The following SERTAD2 variants were observed in gnomAD, a reference collection of about 807,000 sequenced individuals.
The protein encoded by SERTAD2 is SERTA domain-containing protein 2.
Under a neutral mutation model 15.4 loss-of-function variants are expected in SERTAD2, and 2 were observed. The observed-to-expected ratio is 0.13, with a 90% CI of 0.05 to 0.41. The LOEUF (loss-of-function observed/expected upper bound fraction) is 0.41, where lower values mean the gene tolerates loss of function less well. SERTAD2 is among the 10% of genes least tolerant of loss of function. SERTAD2 has a pLI of 0.99. For missense variants in SERTAD2, 333 were observed against 409.7 expected (o/e 0.81, Z 1.62); for synonymous variants, 180 against 178.0 (o/e 1.01, Z -0.09).
In SERTAD2 at chr2:64,631,702, TG is replaced by T. The variant is rs775153215; in HGVS notation, c.*4224del. The T allele has an allele frequency of 1.3e-5, 2 of 152,648 alleles. No homozygotes were observed. The highest frequency in any genetic ancestry group is 4.8e-5 in the African/African-American group (2 of 41,456). 9.5% of individuals were successfully genotyped at this position (152,648 alleles called of 1,614,324 possible). A position where few individuals can be genotyped will look rare whatever the true frequency, so the allele number is the denominator to read the frequency against. Reference sequence around the variant, plus strand: ...TCCATGTACATTTAATCTGTCCAATTGTTTAGATTACAGCCCAAACCTACAT... The same window carrying T: ...TCCATGTACATTTAATCTGTCCAATTTTTAGATTACAGCCCAAACCTACAT... On this transcript the variant is annotated 3_prime_UTR_variant, in exon 2 of 2. Transcript: ENST00000313349.
At chr2:64,649,090 G>A (rs1218868499) in intron 1 of SERTAD2, among the ~76,000 whole-genome samples, 1 of 152,222 alleles carries the variant, frequency 6.6e-6, no homozygotes, top group African/African-American at 2.4e-5. Context: ...AACCACACAG[G>A]GAAGATCAGT....
chr2:64,637,427 A>T (rs188849380), intron 1 of SERTAD2, among the ~76,000 whole-genome samples: 21 of 152,340 alleles, frequency 1.4e-4, no homozygotes, highest in Admixed American at 7.2e-4. Context: ...TTCCTTCCTC[A>T]TTAAGCACGG....
At chr2:64,647,746 A>G (rs1239883115) in intron 1 of SERTAD2, among the ~76,000 whole-genome samples, 1 of 152,118 alleles carries the variant, frequency 6.6e-6, no homozygotes, top group Non-Finnish European at 1.5e-5. Context: ...TTTTAGAACA[A>G]TTCTGTGAAA....
rs1429510618 is a variant in SERTAD2 at position 64,633,073 on chromosome 2, C to T, written c.*2854G>A. The stretch of plus-strand genomic sequence containing the variant: ...TAAAGGGAAGGCACTGCTGGAAGCA[C>T]ATCCCACACTCAAACTGGGACTTGG... On this transcript the variant is annotated 3_prime_UTR_variant, in exon 2 of 2. Transcript: ENST00000313349. The T allele has an allele frequency of 1.3e-5, 2 of 152,528 alleles. No homozygotes were observed. Among genetic ancestry groups the T allele is most frequent in the East Asian group, 1.9e-4 (1 of 5,202 alleles). 9.4% of individuals were successfully genotyped at this position (152,528 alleles called of 1,614,324 possible).
intron 1 of SERTAD2, among the ~76,000 whole-genome samples, chr2:64,652,857 C>T (rs1573094231): frequency 7.3e-6 from 1 of 137,056 alleles, no homozygotes; most frequent in African/African-American, 2.7e-5. Context: ...TAACTTATAG[C>T]CAAGAAAACA....
intron 1 of SERTAD2, among the ~76,000 whole-genome samples, chr2:64,650,336 G>A (rs1227631911): frequency 6.6e-6 from 1 of 151,244 alleles, no homozygotes; most frequent in Non-Finnish European, 1.5e-5. Flanking sequence ...AGCCAATCAT[G>A]TTTTGTTTGT....
intron 1 of SERTAD2, among the ~76,000 whole-genome samples, chr2:64,651,435 T>A (rs556356343): frequency 1.6e-4 from 24 of 152,362 alleles, no homozygotes; most frequent in African/African-American, 5.0e-4. Context: ...GTGATGCATG[T>A]GTGTGCCTTT....
chr2:64,650,773 G>A (rs2104353992), intron 1 of SERTAD2, among the ~76,000 whole-genome samples: 1 of 152,070 alleles, frequency 6.6e-6, no homozygotes, highest in African/African-American at 2.4e-5. Context: ...TGCATATAAA[G>A]TGGCCATGGC....
At chr2:64,652,004 G>C (rs922806342) in intron 1 of SERTAD2, among the ~76,000 whole-genome samples, 1 of 151,418 alleles carries the variant, frequency 6.6e-6, no homozygotes, top group Non-Finnish European at 1.5e-5. Context: ...AAAAAAAACT[G>C]TTAAAGGATT....
At chr2:64,637,611 C>A (rs1287180930) in intron 1 of SERTAD2, among the ~76,000 whole-genome samples, 8 of 152,206 alleles carry the variant, frequency 5.3e-5, no homozygotes, top group Admixed American at 1.3e-4. Context: ...TTGAAGACAA[C>A]TGGATTAATT....
At chr2:64,650,746 A>G (rs982871048) in intron 1 of SERTAD2, among the ~76,000 whole-genome samples, 1 of 152,050 alleles carries the variant, frequency 6.6e-6, no homozygotes, top group Non-Finnish European at 1.5e-5. Flanking sequence ...AACAATATGT[A>G]CAAAATATAT....
In SERTAD2 at chr2:64,635,997, G is replaced by A. The variant is rs775118055; in HGVS notation, c.875C>T (p.Thr292Ile). The A allele has an allele frequency of 3.7e-6, 6 of 1,614,058 alleles. No individual in the cohort carries two copies. In the African/African-American group the frequency reaches 6.7e-5, roughly 18 times the overall value. Residue 292 changes from threonine to isoleucine, a missense_variant, in exon 2 of 2, where the codon ACC (threonine) becomes ATC (isoleucine). This residue lies in a region of SERTAD2 where 332 missense variants were observed against 392.9 expected (regional missense o/e 0.84). Coordinates refer to ENST00000313349, the MANE Select transcript of SERTAD2 (RefSeq NM_014755.3). The stretch of plus-strand genomic sequence containing the variant: ...GTCCATTTTGAAAGGCTGACTTGGG[G>A]TGACAGGCTGACTGCTGTAAGGAGC... ...TLAPYSSQPV[T>I]PSQPFKMDLT...
chr2:64,639,386 G>A (rs1674723878), intron 1 of SERTAD2, among the ~76,000 whole-genome samples: 1 of 152,190 alleles, frequency 6.6e-6, no homozygotes, highest in South Asian at 2.1e-4. Flanking sequence ...TTCATTTTAT[G>A]ATAATTATTT....
In SERTAD2 at chr2:64,653,831, GA is replaced by G; in HGVS notation, c.-217del. On this transcript the variant is annotated 5_prime_UTR_variant, in exon 1 of 2. Transcript: ENST00000313349. ...GTGGAGGCGGCGGCGGCAGGCAGCG[GA>G]GGAGGAAGCAGGAGGCGGGCGGAGG... is the stretch of plus-strand genomic sequence containing the variant. 1 of 153,684 alleles carries G rather than the reference GA, an allele frequency of 6.5e-6. No individual in the cohort carries two copies. Among genetic ancestry groups the G allele is most frequent in the Non-Finnish European group, 1.4e-5 (1 of 69,102 alleles). The allele number at this position is 153,684 out of a possible 1,614,324, so 9.5% of individuals were successfully genotyped here. A position where few individuals can be genotyped will look rare whatever the true frequency, so the allele number is the denominator to read the frequency against.
rs745596625 is a variant in SERTAD2 at position 64,636,446 on chromosome 2, C to G, written c.426G>C (p.Thr142=). 3.1e-6 allele frequency: 5 copies of G among 1,614,004 alleles called. No individual in the cohort carries two copies. The highest frequency in any genetic ancestry group is 1.3e-5 in the African/African-American group (1 of 74,894). The change falls in exon 2 of 2, where the codon ACG becomes ACC. Residue 142 remains threonine (T), a synonymous_variant. Transcript: ENST00000313349. ...GCTGCATGGCCTGGGAGGTGCAAAA[C>G]GTGTCATCGTCGTCCTCGAGCAGTG... The part of the protein sequence containing the change: ...PASLLEDDDD[T]FCTSQAMQPT...
Position 64,635,666 on chromosome 2 carries a change from C to T in SERTAD2, c.*261G>A. The T allele has an allele frequency of 2.6e-6, 1 of 389,772 alleles. No homozygotes were observed. Among genetic ancestry groups the T allele is most frequent in the Non-Finnish European group, 4.6e-6 (1 of 215,306 alleles). The allele number at this position is 389,772 out of a possible 1,614,324, so 24.1% of individuals were successfully genotyped here. On this transcript the variant is annotated 3_prime_UTR_variant, in exon 2 of 2. Transcript: ENST00000313349. ...TGTTTATTTTTGTCATTCAACATTG[C>T]AACATTGTCTTCAAATGGATTCTTT... is the stretch of plus-strand genomic sequence containing the variant.
intron 1 of SERTAD2, among the ~76,000 whole-genome samples, chr2:64,647,257 T>C (rs1202024148): frequency 6.6e-6 from 1 of 152,230 alleles, no homozygotes; most frequent in Admixed American, 6.5e-5. Context: ...TCTCCACATT[T>C]GAAAATTGGA....
At chr2:64,644,875 C>CAG (rs1674861000) in intron 1 of SERTAD2, 1 of 152,380 alleles carries the variant, frequency 6.6e-6, no homozygotes, top group Non-Finnish European at 1.5e-5. Flanking sequence ...CAAAAGCAAA[C>CAG]CTGAGACCCC....
intron 1 of SERTAD2, among the ~76,000 whole-genome samples, chr2:64,643,203 G>A (rs377726819): frequency 7.9e-5 from 12 of 152,336 alleles, no homozygotes; most frequent in African/African-American, 2.9e-4. Flanking sequence ...CCTTGTGTAC[G>A]TTTTCAAGAG....
Sources: allele counts gnomAD v4.1 joint callset (sites outside exome capture counted in the v4.1 genomes callset), GRCh38; gene constraint gnomAD v4.1.1; regional missense constraint gnomAD v4.1.1; transcripts MANE v1.5; gene names NCBI Gene and HGNC (gene_info 2026-07-23, HGNC 2026-07-21).